GRIA4: variants seen among roughly 807,000 people sequenced by gnomAD.
The protein encoded by GRIA4 is glutamate ionotropic receptor AMPA type subunit 4.
GRIA4 carries 34 observed loss-of-function variants against 104.0 expected under a neutral mutation model. The ratio of observed to expected loss-of-function variants is 0.33; its 90% CI spans 0.25 to 0.44. GRIA4 has a LOEUF of 0.44. Ranked by LOEUF, GRIA4 falls within the 20% of genes least tolerant of loss-of-function variation. GRIA4 has a pLI of 1.00. For synonymous variants in GRIA4, 386 were observed against 381.9 expected, an observed-to-expected ratio of 1.01 and a Z score of -0.13; for missense variants, 750 against 1,096.5, an observed-to-expected ratio of 0.68 and a Z score of 4.46.
rs762801069 is a variant in GRIA4, at chr11:105,898,328, C to G, written c.786C>G (p.Phe262Leu). The G allele has an allele frequency of 1.3e-6, 2 of 1,574,360 alleles. No homozygotes were observed. The highest frequency in any genetic ancestry group is 2.2e-5 in the South Asian group (2 of 90,212). Residue 262 changes from phenylalanine (F) to leucine (L), a missense_variant, in exon 7 of 17, where the codon TTC (phenylalanine) becomes TTG (leucine). Phe to Leu is a conservative substitution (Grantham distance 22, BLOSUM62 0). Around this residue, in one of 3 missense-constraint regions of GRIA4, gnomAD observed 410 missense variants for 502.7 expected, o/e 0.82. Coordinates refer to ENST00000282499, the MANE Select transcript of GRIA4 (RefSeq NM_000829.4). ...FIHGGANVTG[F>L]QLVDFNTPMV... The stretch of plus-strand genomic sequence containing the variant: ...ATGGTGGAGCCAATGTTACTGGATT[C>G]CAGTTGGTGGATTTTAATACACCTA...
At chr11:105,718,728 T>G (rs991735091) in intron 3 of GRIA4, among the ~76,000 whole-genome samples, 2 of 152,086 alleles carry the variant, frequency 1.3e-5, no homozygotes, top group Admixed American at 6.6e-5. Context: ...AAGGCCAAAG[T>G]TTACTGTTAA....
chr11:105,919,389 T>C (rs569695596), intron 11 of GRIA4, among the ~76,000 whole-genome samples: 1 of 152,302 alleles, frequency 6.6e-6, no homozygotes, highest in East Asian at 1.9e-4. Context: ...AATCACTATA[T>C]TACTTTATCC....
chr11:105,959,827 GCTTT>G (rs897845569), intron 14 of GRIA4, among the ~76,000 whole-genome samples: 25 of 152,292 alleles, frequency 1.6e-4, no homozygotes, highest in South Asian at 6.2e-4. Flanking sequence ...TGCGGTTGTT[GCTTT>G]CTGTTTGTTT....
chr11:105,859,067 A>T (rs982086411), intron 4 of GRIA4, among the ~76,000 whole-genome samples: 1 of 152,186 alleles, frequency 6.6e-6, no homozygotes, highest in African/African-American at 2.4e-5. Flanking sequence ...AAATAGTATG[A>T]CTTGACTTAT....
intron 3 of GRIA4, among the ~76,000 whole-genome samples, chr11:105,721,155 C>T (rs184379269): frequency 2.4e-3 from 368 of 152,190 alleles, no homozygotes; most frequent in Non-Finnish European, 3.9e-3. Flanking sequence ...TTAATATCTA[C>T]GCAATCTCTT....
At chr11:105,655,161 G>A (rs1951804633) in intron 3 of GRIA4, among the ~76,000 whole-genome samples, 1 of 151,976 alleles carries the variant, frequency 6.6e-6, no homozygotes, top group South Asian at 2.1e-4. Context: ...TTTTTTAAAA[G>A]TATTAGAATT....
intron 13 of GRIA4, among the ~76,000 whole-genome samples, chr11:105,929,315 A>G (rs1343695644): frequency 1.3e-5 from 2 of 152,114 alleles, no homozygotes; most frequent in Non-Finnish European, 2.9e-5. Flanking sequence ...GCAATGACCT[A>G]TACTCAGTGC....
intron 4 of GRIA4, among the ~76,000 whole-genome samples, chr11:105,789,178 A>T (rs1262859433): frequency 6.6e-6 from 1 of 152,098 alleles, no homozygotes; most frequent in East Asian, 1.9e-4. Context: ...ACTGGTAAAA[A>T]CCAAAAGGCA....
At chr11:105,688,534 G>C (rs1423036335) in intron 3 of GRIA4, among the ~76,000 whole-genome samples, 3 of 152,126 alleles carry the variant, frequency 2.0e-5, no homozygotes, top group Non-Finnish European at 4.4e-5. Flanking sequence ...CTGCACTCCA[G>C]CCTGGGCGAC....
chr11:105,955,695 A>G (rs1359059956), intron 14 of GRIA4, among the ~76,000 whole-genome samples: 1 of 152,158 alleles, frequency 6.6e-6, no homozygotes, highest in Non-Finnish European at 1.5e-5. Flanking sequence ...GAATCACCAT[A>G]TTGTCTTCCA....
rs536580086 is a variant in GRIA4 at position 105,750,510 on chromosome 11, A to G, written c.248-2471A>G. On this transcript the variant is annotated intron_variant, in intron 3 of 16. Coordinates refer to ENST00000282499, the MANE Select transcript of GRIA4 (RefSeq NM_000829.4). Reference sequence around the variant, plus strand: ...GACAACTATGAAAAGGAGAATAAATAGAAATGTATGATGATGCAAATGAAC... The same window carrying G: ...GACAACTATGAAAAGGAGAATAAATGGAAATGTATGATGATGCAAATGAAC... Among the ~76,000 whole-genome samples, 6 of 152,242 alleles carry G rather than the reference A, an allele frequency of 3.9e-5. No homozygotes were observed. The East Asian group carries it at 1.2e-3, about 29-fold the overall frequency.
chr11:105,706,504 T>C (rs903279813), intron 3 of GRIA4: 4 of 152,924 alleles, frequency 2.6e-5, no homozygotes, highest in African/African-American at 4.8e-5. Context: ...TCCAAAGTAA[T>C]AGAAGATGGT....
At chr11:105,899,836 T>G (rs1274364668) in intron 7 of GRIA4, among the ~76,000 whole-genome samples, 2 of 152,152 alleles carry the variant, frequency 1.3e-5, no homozygotes, top group Non-Finnish European at 2.9e-5. Flanking sequence ...AGCACCATGG[T>G]TCATGCCCGA....
At chr11:105,850,952 G>C (rs1944787323) in intron 4 of GRIA4, among the ~76,000 whole-genome samples, 1 of 152,118 alleles carries the variant, frequency 6.6e-6, no homozygotes, top group Non-Finnish European at 1.5e-5. Flanking sequence ...ATCATGAGGA[G>C]AATAAAAAGC....
intron 4 of GRIA4, among the ~76,000 whole-genome samples, chr11:105,773,553 G>A (rs542402706): frequency 2.0e-5 from 3 of 151,982 alleles, no homozygotes; most frequent in Admixed American, 1.3e-4. Flanking sequence ...CCTCCAGCAC[G>A]CTGGGCTCTA....
At chr11:105,959,587 T>C (rs1018464119) in intron 14 of GRIA4, among the ~76,000 whole-genome samples, 3 of 152,222 alleles carry the variant, frequency 2.0e-5, no homozygotes, top group Non-Finnish European at 2.9e-5. Context: ...ACCTATCTTC[T>C]GAAGACTCCT....
intron 3 of GRIA4, among the ~76,000 whole-genome samples, chr11:105,678,597 T>C (rs1952615357): frequency 6.6e-6 from 1 of 152,120 alleles, no homozygotes; most frequent in Admixed American, 6.6e-5. Context: ...GCTCCATGAA[T>C]AGGTTCTATG....
At chr11:105,898,167 A>T in intron 6 of GRIA4, 102 bp from the exon 7 acceptor site, 1 of 496,072 alleles carries the variant, frequency 2.0e-6, no homozygotes, top group Non-Finnish European at 3.6e-6. Flanking sequence ...TTGCTTTATT[A>T]AAAATCTTTT....
intron 4 of GRIA4, among the ~76,000 whole-genome samples, chr11:105,759,503 G>A (rs1440746494): frequency 6.6e-6 from 1 of 151,992 alleles, no homozygotes; most frequent in Non-Finnish European, 1.5e-5. Context: ...TTCTTAATTA[G>A]AATGATTTCA....
Sources: gnomAD v4.1 joint callset for allele counts (sites outside exome capture counted in the v4.1 genomes callset) on GRCh38, gnomAD v4.1.1 for gene constraint, gnomAD v4.1.1 regional missense constraint, MANE v1.5 for transcripts, NCBI Gene and HGNC (gene_info 2026-07-23, HGNC 2026-07-21) for gene names.